Variants in CNRIP1 observed in about 807,000 individuals in gnomAD.
CNRIP1 encodes cannabinoid receptor interacting protein 1.
CNRIP1 carries 10 observed loss-of-function variants against 15.2 expected under a neutral mutation model. The observed-to-expected ratio is 0.66, with a 90% confidence interval of 0.41 to 1.12. CNRIP1 has a LOEUF of 1.12. Ranked by LOEUF, CNRIP1 falls within the 50% of genes most tolerant of loss-of-function variation. The probability of loss-of-function intolerance (pLI) is 0.00; values close to 1 mark genes in which losing one functional copy is unlikely to be tolerated. For synonymous variants in CNRIP1, 91 were observed against 83.2 expected (o/e 1.09, Z -0.51); for missense variants, 211 against 214.7 (o/e 0.98, Z 0.11).
chr2:68,300,105 T>C (rs1671548402), intron 2 of CNRIP1, among the ~76,000 whole-genome samples: 1 of 152,228 alleles, frequency 6.6e-6, no homozygotes, highest in Non-Finnish European at 1.5e-5. Flanking sequence ...TAGTAAATGT[T>C]TCCCATTTCT....
chr2:68,284,404 G>T, exon 3 of CNRIP1: 2 of 1,442,836 alleles, frequency 1.4e-6, no homozygotes, highest in Non-Finnish European at 9.2e-7. Flanking sequence ...TGTTCCTCAT[G>T]ATGGCACACA....
At chr2:68,317,447 T>C in intron 1 of CNRIP1, 140 bp from the exon 2 acceptor site, 1 of 817,160 alleles carries the variant, frequency 1.2e-6, no homozygotes, top group South Asian at 1.7e-5. Flanking sequence ...TTCTGCAAGT[T>C]CAGGGGGCAG....
chr2:68,300,816 G>C (rs1207726322), intron 2 of CNRIP1, among the ~76,000 whole-genome samples: 1 of 152,116 alleles, frequency 6.6e-6, no homozygotes, highest in Non-Finnish European at 1.5e-5. Context: ...GGATCCTACA[G>C]ACCTTAAATT....
At chr2:68,303,115 G>A (rs984873883) in intron 2 of CNRIP1, among the ~76,000 whole-genome samples, 2 of 152,084 alleles carry the variant, frequency 1.3e-5, no homozygotes, top group African/African-American at 2.4e-5. Flanking sequence ...CAAAGTGCTG[G>A]GATTACAGGC....
chr2:68,315,464 T>C (rs1672237231), intron 2 of CNRIP1, among the ~76,000 whole-genome samples: 1 of 152,108 alleles, frequency 6.6e-6, no homozygotes, highest in Admixed American at 6.5e-5. Context: ...CATTAGACAA[T>C]TGTACAGTAC....
Position 68,319,468 on chromosome 2 carries a change from T to G in CNRIP1, c.-68A>C. 1 of 1,416,870 alleles carries G rather than the reference T, an allele frequency of 7.1e-7. No individual in the cohort carries two copies. The highest frequency in any genetic ancestry group is 9.2e-7 in the Non-Finnish European group (1 of 1,081,440). The allele number at this position is 1,416,870 out of a possible 1,614,324, so 87.8% of individuals were successfully genotyped here. ...ACAGCGCCGGCTGCGGCCGAGTGGC[T>G]GGAGCGCGAGGGGCGGAGAGGAAGC... is the stretch of plus-strand genomic sequence containing the variant. On this transcript the variant is annotated 5_prime_UTR_variant, in exon 1 of 3. Coordinates refer to ENST00000263655, the MANE Select transcript of CNRIP1 (RefSeq NM_015463.3).
At chr2:68,292,652 G>T (rs1671204641), downstream of CNRIP1, among the ~76,000 whole-genome samples, 1 of 152,184 alleles carries the variant, frequency 6.6e-6, no homozygotes, top group African/African-American at 2.4e-5. Context: ...GGTGCTGGAA[G>T]TAGGCAAGGA....
At chr2:68,299,598 T>A (rs10188159) in intron 2 of CNRIP1, among the ~76,000 whole-genome samples, 24,143 of 152,210 alleles carry the variant, frequency 0.16, 1,990 homozygotes, top group Middle Eastern at 0.28. Context: ...TGTTTGTTGT[T>A]TCATCCATCC....
At chr2:68,298,117 T>C (rs1671451208) in intron 2 of CNRIP1, among the ~76,000 whole-genome samples, 1 of 152,158 alleles carries the variant, frequency 6.6e-6, no homozygotes, top group Non-Finnish European at 1.5e-5. Context: ...ATTATGACTT[T>C]GTTCACAATA....
At chr2:68,289,962 C>T (rs1671122234), downstream of CNRIP1, among the ~76,000 whole-genome samples, 1 of 151,378 alleles carries the variant, frequency 6.6e-6, no homozygotes. Flanking sequence ...TGCCTAAGAC[C>T]ACACAGCTAA....
chr2:68,291,174 T>C (rs1269937214), downstream of CNRIP1, among the ~76,000 whole-genome samples: 2 of 152,170 alleles, frequency 1.3e-5, no homozygotes, highest in Non-Finnish European at 2.9e-5. Flanking sequence ...AGATTAGCTG[T>C]TAAGTTTTTC....
In CNRIP1 at chr2:68,319,668, C is replaced by T; in HGVS notation, c.-268G>A. The T allele has an allele frequency of 2.3e-6, 1 of 431,798 alleles. No homozygotes were observed. The allele number at this position is 431,798 out of a possible 1,614,324, so 26.7% of individuals were successfully genotyped here. A position where few individuals can be genotyped will look rare whatever the true frequency, so the allele number is the denominator to read the frequency against. ...AGGCCGCGCGCTTCCCCATCCCCCG[C>T]TCCAGTGCTGCGCCCTCCACGCACC... On this transcript the variant is annotated 5_prime_UTR_variant, in exon 1 of 3. Coordinates refer to ENST00000263655, the MANE Select transcript of CNRIP1 (RefSeq NM_015463.3).
At chr2:68,306,554 G>A (rs1161443299) in intron 2 of CNRIP1, among the ~76,000 whole-genome samples, 4 of 152,132 alleles carry the variant, frequency 2.6e-5, no homozygotes, top group Non-Finnish European at 5.9e-5. Flanking sequence ...GCCAAGGTGG[G>A]AGGATCACCT....
intron 2 of CNRIP1, among the ~76,000 whole-genome samples, chr2:68,287,861 A>G (rs576576649): frequency 6.6e-6 from 1 of 152,382 alleles, no homozygotes; most frequent in East Asian, 1.9e-4. Context: ...CATAAACTTC[A>G]AAGAATAACA....
rs1399995334 is a variant in CNRIP1 at position 68,305,409 on chromosome 2, C to G, written c.331-11383G>C. Among the ~76,000 whole-genome samples the G allele has an allele frequency of 2.0e-5, 3 of 151,320 alleles. No individual in the cohort carries two copies. The East Asian group carries it at 5.8e-4, about 29-fold the overall frequency. On this transcript the variant is annotated intron_variant, in intron 2 of 2. Transcript: ENST00000263655. ...CTTGACATGTCCAAGTAAATCCAAT[C>G]AATTAATTAGCAAGTCCCTGGATTA...
chr2:68,298,666 G>A (rs573287006), intron 2 of CNRIP1, among the ~76,000 whole-genome samples: 6 of 152,292 alleles, frequency 3.9e-5, no homozygotes, highest in South Asian at 2.1e-4. Context: ...CTAAGGTCAC[G>A]TTGAAGTAAA....
At chr2:68,318,571 A>G (rs1377018245) in intron 1 of CNRIP1, among the ~76,000 whole-genome samples, 1 of 152,204 alleles carries the variant, frequency 6.6e-6, no homozygotes, top group African/African-American at 2.4e-5. Context: ...CACCATCACC[A>G]GCCTGAACAG....
downstream of CNRIP1, among the ~76,000 whole-genome samples, chr2:68,292,497 A>G (rs568976619): frequency 5.9e-5 from 9 of 152,324 alleles, no homozygotes; most frequent in South Asian, 1.4e-3. Flanking sequence ...ACAATCCCCA[A>G]CGAACTTTTT....
rs780116223 is a variant in CNRIP1, at chr2:68,317,263, G to A, written c.224C>T (p.Ser75Phe). The part of the protein sequence containing the change: ...GGVLVPLELK[S>F]KEPDGDRVVY... ...AACTCTGTCCCCATCAGGCTCTTTAGACTTCAGTTCCAGTGGGACAAGCAC... is the reference window on the plus strand; with the variant it reads ...AACTCTGTCCCCATCAGGCTCTTTAAACTTCAGTTCCAGTGGGACAAGCAC... The change falls in exon 2 of 3, where the codon TCT becomes TTT. Residue 75 changes from serine (S) to phenylalanine (F), a missense_variant. Transcript: ENST00000263655. 6.2e-7 allele frequency: 1 copy of A among 1,614,112 alleles called. No homozygotes were observed. Among genetic ancestry groups the A allele is most frequent in the Admixed American group, 1.7e-5 (1 of 60,010 alleles).
Sources: gnomAD v4.1 joint callset for allele counts (sites outside exome capture counted in the v4.1 genomes callset) on GRCh38, gnomAD v4.1.1 for gene constraint, MANE v1.5 for transcripts, NCBI Gene and HGNC (gene_info 2026-07-23, HGNC 2026-07-21) for gene names.